Variants in RIPOR2 observed in about 807,000 individuals in gnomAD.
RIPOR2 encodes the protein rho family-interacting cell polarization regulator 2.
A neutral mutation model predicts 114.5 loss-of-function variants in RIPOR2; 39 were observed. That is an observed-to-expected ratio of 0.34 (90% confidence interval 0.26 to 0.44). The LOEUF (loss-of-function observed/expected upper bound fraction) is 0.44, where lower values mean the gene tolerates loss of function less well. RIPOR2 is among the 20% of genes least tolerant of loss of function. The pLI is 1.00. For missense variants in RIPOR2, 1,007 were observed against 1,255.1 expected (o/e 0.80, Z 2.99); for synonymous variants, 445 against 484.4 (o/e 0.92, Z 1.07).
chr6:24,830,644 A>G lies in RIPOR2; in HGVS notation c.2371T>C (p.Ser791Pro). The G allele has an allele frequency of 6.4e-7, 1 of 1,551,320 alleles. No homozygotes were observed. Among genetic ancestry groups the G allele is most frequent in the South Asian group, 1.2e-5 (1 of 84,034 alleles). ...EAIPEFHKKL[S>P]LLSFWTKCCS... ...CACTTGGTCCAGAATGACAGCAAAG[A>G]CAGCTTTTTGTGAAATTCTGGTATG... is the stretch of plus-strand genomic sequence containing the variant. Residue 791 changes from serine (S) to proline (P), a missense_variant, in exon 17 of 22, where the codon TCT becomes CCT. Physicochemically the swap from Ser to Pro is moderately conservative, Grantham distance 74. Coordinates refer to ENST00000643898, the MANE Select transcript of RIPOR2 (RefSeq NM_001286445.3).
chr6:24,811,657 C>CTTTTTTTTTTTTTTTTTTATTTT, intron 20 of RIPOR2, among the ~76,000 whole-genome samples: 1 of 21,730 alleles, frequency 4.6e-5, no homozygotes, highest in Non-Finnish European at 1.4e-4. Flanking sequence ...TCGTTTAGTA[C>CTTTTTTTTTTTTTTTTTTATTTT]TTTTTTTTTT....
At chr6:24,998,581 C>T (rs375801278) in intron 1 of RIPOR2, among the ~76,000 whole-genome samples, 2 of 152,206 alleles carry the variant, frequency 1.3e-5, no homozygotes, top group African/African-American at 4.8e-5. Flanking sequence ...CAAAGCCTTT[C>T]AACGTCTCTC....
chr6:24,829,129 A>G (rs1760446063), intron 17 of RIPOR2, among the ~76,000 whole-genome samples: 1 of 151,722 alleles, frequency 6.6e-6, no homozygotes, highest in African/African-American at 2.4e-5. Context: ...GCCTGGCAAC[A>G]TGGCGGAACC....
At chr6:24,910,447 T>A (rs1769443422) in intron 1 of RIPOR2, 1 of 152,382 alleles carries the variant, frequency 6.6e-6, no homozygotes, top group Admixed American at 6.5e-5. Flanking sequence ...GACTCCCATC[T>A]GGGGGCGCTC....
intron 15 of RIPOR2, 29 bp downstream of exon 15, chr6:24,835,674 C>T: frequency 7.8e-6 from 12 of 1,546,918 alleles, no homozygotes; most frequent in African/African-American, 1.4e-5. Flanking sequence ...CACCTGGCAT[C>T]TCAAACACAA....
chr6:24,806,124 ATTT>A lies in RIPOR2; in HGVS notation c.*246_*248del. 2.2e-6 allele frequency: 1 copy of A among 464,336 alleles called. No individual in the cohort carries two copies. Among genetic ancestry groups the A allele is most frequent in the Non-Finnish European group, 3.8e-6 (1 of 264,518 alleles). 28.8% of individuals were successfully genotyped at this position (464,336 alleles called of 1,614,324 possible). On this transcript the variant is annotated 3_prime_UTR_variant, in exon 22 of 22. Transcript: ENST00000643898. ...GCCACCACGCCTGACTAATTAAACT[ATTT>A]TTTTTGTAGAGACAGGGCCTTGCTA...
At chr6:24,807,603 C>T (rs1052405972) in intron 21 of RIPOR2, among the ~76,000 whole-genome samples, 1 of 152,132 alleles carries the variant, frequency 6.6e-6, no homozygotes, top group Non-Finnish European at 1.5e-5. Context: ...GAGCAGCTAT[C>T]CTCAAAATTG....
intron 6 of RIPOR2, 116 bp from the exon 7 acceptor site, chr6:24,865,566 T>C (rs1764520750): frequency 3.6e-6 from 3 of 826,822 alleles, no homozygotes; most frequent in African/African-American, 1.7e-5. Context: ...GAGAATCCTG[T>C]AGAAGTATTA....
chr6:25,019,747 C>T (rs141779728), intron 1 of RIPOR2, among the ~76,000 whole-genome samples: 2,018 of 126,792 alleles, frequency 0.016, 35 homozygotes, highest in East Asian at 0.062. Context: ...TGCATTCCAG[C>T]CTGGGCAACA....
At chr6:25,027,060 A>C (rs6918101) in intron 1 of RIPOR2, among the ~76,000 whole-genome samples, 68,595 of 152,092 alleles carry the variant, frequency 0.45, 17,179 homozygotes, top group Non-Finnish European at 0.57. Flanking sequence ...CAAGTCTCCT[A>C]TAAGTAGCTG....
At chr6:24,942,648 T>G (rs1772196356) in intron 1 of RIPOR2, among the ~76,000 whole-genome samples, 1 of 152,236 alleles carries the variant, frequency 6.6e-6, no homozygotes, top group South Asian at 2.1e-4. Context: ...TTGATTTGCA[T>G]TTCTCTGATG....
chr6:25,033,626 A>C (rs541976613), intron 1 of RIPOR2, among the ~76,000 whole-genome samples: 1 of 152,328 alleles, frequency 6.6e-6, no homozygotes, highest in South Asian at 2.1e-4. Context: ...TGTCTAGATT[A>C]TTCTAATTCC....
intron 9 of RIPOR2, 71 bp downstream of exon 9, chr6:24,852,504 A>G (rs1162812926): frequency 8.5e-7 from 1 of 1,173,820 alleles, no homozygotes; most frequent in Admixed American, 2.0e-5. Context: ...GAAAAGCAAA[A>G]TAATGACATG....
At chr6:24,861,977 C>A (rs183154460) in intron 7 of RIPOR2, among the ~76,000 whole-genome samples, 7 of 152,340 alleles carry the variant, frequency 4.6e-5, no homozygotes, top group Non-Finnish European at 8.8e-5. Context: ...AGGCAGACTT[C>A]CTACTGCAAA....
intron 1 of RIPOR2, chr6:24,976,998 A>G: frequency 6.6e-6 from 10 of 1,508,624 alleles, no homozygotes; most frequent in Non-Finnish European, 9.1e-6. Context: ...CTTGTGTTTT[A>G]TCTTAACCAC....
At chr6:25,016,194 C>T (rs1761527731) in intron 1 of RIPOR2, among the ~76,000 whole-genome samples, 2 of 151,972 alleles carry the variant, frequency 1.3e-5, no homozygotes, top group Admixed American at 6.6e-5. Context: ...GCATAAGCCA[C>T]CACTCCCCGT....
chr6:24,930,021 G>A (rs1195949826), intron 1 of RIPOR2, among the ~76,000 whole-genome samples: 2 of 152,214 alleles, frequency 1.3e-5, no homozygotes, highest in Admixed American at 1.3e-4. Flanking sequence ...GCTGCAGTGA[G>A]CTGCAATCAC....
chr6:24,891,365 AT>A (rs2113970612), intron 1 of RIPOR2, among the ~76,000 whole-genome samples: 1 of 152,368 alleles, frequency 6.6e-6, no homozygotes, highest in Non-Finnish European at 1.5e-5. Flanking sequence ...TGTCATTAGA[AT>A]GCAAAGCAGT....
At chr6:24,950,510 G>C (rs1772694916) in intron 1 of RIPOR2, among the ~76,000 whole-genome samples, 1 of 152,178 alleles carries the variant, frequency 6.6e-6, no homozygotes, top group Non-Finnish European at 1.5e-5. Context: ...AGTATGTGTG[G>C]CTTATCCTTC....
Sources: allele counts gnomAD v4.1 joint callset (sites outside exome capture counted in the v4.1 genomes callset), GRCh38; gene constraint gnomAD v4.1.1; transcripts MANE v1.5; gene names NCBI Gene and HGNC (gene_info 2026-07-23, HGNC 2026-07-21).